Variants in DCC observed in about 807,000 individuals in gnomAD.
DCC encodes the protein netrin receptor DCC.
DCC carries 58 observed loss-of-function variants against 172.5 expected under a neutral mutation model. The observed-to-expected ratio is 0.34, with a 90% confidence interval of 0.27 to 0.42. The LOEUF (loss-of-function observed/expected upper bound fraction) is 0.42, where lower values mean the gene tolerates loss of function less well. DCC is among the 10% of genes least tolerant of loss of function. The probability of loss-of-function intolerance (pLI) is 1.00; values close to 1 mark genes in which losing one functional copy is unlikely to be tolerated. For missense variants in DCC, 1,740 were observed against 1,791.0 expected, an observed-to-expected ratio of 0.97 and a Z score of 0.51; for synonymous variants, 709 against 644.5, an observed-to-expected ratio of 1.10 and a Z score of -1.52.
intron 11 of DCC, among the ~76,000 whole-genome samples, chr18:53,214,411 G>A (rs7237256): frequency 0.19 from 28,374 of 151,956 alleles, 3,703 homozygotes; most frequent in African/African-American, 0.38. Context: ...AAGATTAATC[G>A]GTGGCACATC....
chr18:52,751,858 C>G (rs990841305), intron 1 of DCC, among the ~76,000 whole-genome samples, 196 bp from the exon 2 acceptor site: 1 of 151,608 alleles, frequency 6.6e-6, no homozygotes, highest in Non-Finnish European at 1.5e-5. Flanking sequence ...CAATTGTTTT[C>G]TTAATTATGA....
intron 1 of DCC, among the ~76,000 whole-genome samples, chr18:52,532,216 G>A (rs2032170750): frequency 6.6e-6 from 1 of 151,990 alleles, no homozygotes; most frequent in Non-Finnish European, 1.5e-5. Flanking sequence ...TAGTTATGTT[G>A]GCACTTAGAA....
intron 5 of DCC, among the ~76,000 whole-genome samples, chr18:53,041,445 G>T (rs1008832113): frequency 6.6e-6 from 1 of 152,072 alleles, no homozygotes; most frequent in East Asian, 1.9e-4. Context: ...AAGTCAGGTA[G>T]CATGATGCCT....
At chr18:53,365,115 C>A (rs1035568661) in intron 15 of DCC, among the ~76,000 whole-genome samples, 2 of 151,880 alleles carry the variant, frequency 1.3e-5, no homozygotes, top group South Asian at 2.1e-4. Flanking sequence ...GCGATGTCCC[C>A]CTTCCTGTGT....
intron 1 of DCC, among the ~76,000 whole-genome samples, chr18:52,361,315 C>T (rs1415433359): frequency 6.6e-6 from 1 of 152,120 alleles, no homozygotes; most frequent in Non-Finnish European, 1.5e-5. Context: ...TCTACCTGCC[C>T]CACATTTACT....
chr18:52,855,911 A>C (rs2039045943), intron 2 of DCC, among the ~76,000 whole-genome samples: 1 of 151,402 alleles, frequency 6.6e-6, no homozygotes, highest in African/African-American at 2.4e-5. Flanking sequence ...GATTACAGGC[A>C]CGTGCCACCA....
chr18:52,474,671 G>T (rs1276612401), intron 1 of DCC, among the ~76,000 whole-genome samples: 1 of 152,150 alleles, frequency 6.6e-6, no homozygotes, highest in Non-Finnish European at 1.5e-5. Flanking sequence ...GATTTTATAG[G>T]TGAGGAAACA....
chr18:52,516,212 C>T (rs186230015), intron 1 of DCC, among the ~76,000 whole-genome samples: 1 of 152,262 alleles, frequency 6.6e-6, no homozygotes, highest in East Asian at 1.9e-4. Flanking sequence ...AAATATCATA[C>T]AGTTCAGCAG....
Position 52,921,929 on chromosome 18 carries a change from T to C in DCC, c.698-1778T>C, listed in dbSNP as rs549888142. 2.6e-5 allele frequency among the ~76,000 whole-genome samples: 4 copies of C among 152,092 alleles called. No individual in the cohort carries two copies. In the South Asian group the frequency reaches 8.3e-4, roughly 32 times the overall value. ...AGGAGCAGATGGTAAAAGTAAAATA[T>C]TCAAATGCATAGGCCTCTAATATCA... On this transcript the variant is annotated intron_variant, in intron 3 of 28. Transcript: ENST00000442544.
chr18:52,913,029 A>G (rs1230113555), intron 3 of DCC, among the ~76,000 whole-genome samples: 8 of 152,104 alleles, frequency 5.3e-5, no homozygotes, highest in African/African-American at 1.7e-4. Context: ...CACCAAAAGA[A>G]GATAGGATAC....
intron 1 of DCC, among the ~76,000 whole-genome samples, chr18:52,563,022 C>CAA (rs914948504): frequency 1.3e-5 from 2 of 152,042 alleles, no homozygotes; most frequent in Non-Finnish European, 2.9e-5. Flanking sequence ...AACATTAGGA[C>CAA]AAAACTCTGA....
At chr18:53,297,324 C>T (rs1267829512) in intron 12 of DCC, among the ~76,000 whole-genome samples, 3 of 152,238 alleles carry the variant, frequency 2.0e-5, no homozygotes, top group African/African-American at 4.8e-5. Context: ...ATCAGGTTTA[C>T]TTGGCAAATA....
chr18:52,830,295 T>A (rs1198535581), intron 2 of DCC, among the ~76,000 whole-genome samples: 1 of 116,856 alleles, frequency 8.6e-6, no homozygotes, highest in Non-Finnish European at 1.9e-5. Context: ...TGCAATTTAG[T>A]TTTTTTAGCT....
At chr18:53,153,396 T>C (rs2054674919) in intron 7 of DCC, among the ~76,000 whole-genome samples, 1 of 152,162 alleles carries the variant, frequency 6.6e-6, no homozygotes, top group African/African-American at 2.4e-5. Flanking sequence ...TCTGGCCTGA[T>C]GCTATGAATT....
chr18:52,816,287 T>C (rs972479273), intron 2 of DCC, among the ~76,000 whole-genome samples: 3 of 152,182 alleles, frequency 2.0e-5, no homozygotes, highest in Admixed American at 1.3e-4. Context: ...TGAAAAGTTA[T>C]ACTGAACTGA....
At chr18:53,169,772 T>C (rs889971379) in intron 8 of DCC, among the ~76,000 whole-genome samples, 3 of 152,106 alleles carry the variant, frequency 2.0e-5, no homozygotes, top group Non-Finnish European at 4.4e-5. Context: ...AAAAATTGGG[T>C]AAACTTCTCA....
chr18:53,295,248 C>T (rs567771636), intron 12 of DCC, among the ~76,000 whole-genome samples: 2 of 151,828 alleles, frequency 1.3e-5, no homozygotes, highest in Non-Finnish European at 2.9e-5. Flanking sequence ...TCCCTTAATA[C>T]AAGAAATTAT....
intron 12 of DCC, among the ~76,000 whole-genome samples, chr18:53,256,817 T>G (rs1321651138): frequency 6.6e-6 from 1 of 152,096 alleles, no homozygotes; most frequent in South Asian, 2.1e-4. Context: ...TGGCCATTTT[T>G]ACAATATTGA....
chr18:52,676,234 A>T lies in DCC; in HGVS notation c.92-75820A>T, dbSNP rs371977885. Among the ~76,000 whole-genome samples the T allele has an allele frequency of 4.6e-5, 7 of 152,270 alleles. No individual in the cohort carries two copies. The South Asian group carries it at 6.2e-4, about 14-fold the overall frequency. ...AGTCTCAGGTTTAACCATTCTGAGTATATTTATTTGTTTGTAAGTGGAAAT... is the reference window on the plus strand; with the variant it reads ...AGTCTCAGGTTTAACCATTCTGAGTTTATTTATTTGTTTGTAAGTGGAAAT... On this transcript the variant is annotated intron_variant, in intron 1 of 28. Transcript: ENST00000442544.
Sources: allele counts gnomAD v4.1 joint callset (sites outside exome capture counted in the v4.1 genomes callset), GRCh38; gene constraint gnomAD v4.1.1; transcripts MANE v1.5; gene names NCBI Gene and HGNC (gene_info 2026-07-23, HGNC 2026-07-21).